Variants in LRCH2 observed in about 807,000 individuals in gnomAD.
LRCH2 encodes the protein leucine rich repeats and calponin homology domain containing 2, also known as leucine-rich repeat and calponin homology domain-containing protein 2.
In LRCH2, 38 loss-of-function variants were observed where a neutral mutation model predicts 68.9. The observed-to-expected ratio is 0.55, with a 90% CI of 0.43 to 0.72. The LOEUF is 0.72. Among genes scored for constraint, LRCH2 ranks in the 30% least tolerant of loss-of-function variants. The pLI is 0.00. For missense variants in LRCH2, 528 were observed against 572.9 expected (o/e 0.92, Z 0.80); for synonymous variants, 191 against 208.1 (o/e 0.92, Z 0.71).
chrX:115,173,354 C>G (rs188425521), intron 5 of LRCH2, among the ~76,000 whole-genome samples: 66 of 111,263 alleles, frequency 5.9e-4, no homozygotes, highest in Admixed American at 5.8e-3. Flanking sequence ...ACAAAGGTCT[C>G]GAGTAAACAC....
At chrX:115,192,484 C>A (rs868912715) in intron 1 of LRCH2, 1 of 1,170,880 alleles carries the variant, frequency 8.5e-7, no homozygotes, top group Admixed American at 2.5e-5. Flanking sequence ...CTCGAGGGGT[C>A]GAGACCGGGT....
intron 6 of LRCH2, among the ~76,000 whole-genome samples, chrX:115,168,769 A>C (rs1226935932): frequency 9.0e-6 from 1 of 111,253 alleles, no homozygotes. Flanking sequence ...GCTTACTTCC[A>C]ATCTATTCTC....
chrX:115,206,548 C>G lies in LRCH2; in HGVS notation c.350-18178G>C, dbSNP rs181643562. Among the ~76,000 whole-genome samples the G allele has an allele frequency of 3.6e-5, 4 of 112,407 alleles. No homozygotes were observed. In the Admixed American group the frequency reaches 3.8e-4, roughly 11 times the overall value. The stretch of plus-strand genomic sequence containing the variant: ...CTCCTATCGCAGGTAACTAGCCAGA[C>G]CCACCCCTTTATTTCAGCCCATCCC... On this transcript the variant is annotated intron_variant, in intron 1 of 20. Coordinates refer to ENST00000317135, the MANE Select transcript of LRCH2 (RefSeq NM_020871.4).
At chrX:115,145,282 C>T (rs1198327895) in intron 14 of LRCH2, among the ~76,000 whole-genome samples, 2 of 111,383 alleles carry the variant, frequency 1.8e-5, no homozygotes, top group Non-Finnish European at 3.8e-5. Context: ...TCTTGTTGTA[C>T]ACAAAAATCA....
At chrX:115,196,464 C>T (rs782322344) in intron 1 of LRCH2, among the ~76,000 whole-genome samples, 2 of 111,288 alleles carry the variant, frequency 1.8e-5, no homozygotes, top group South Asian at 3.9e-4. Flanking sequence ...TACAAGCTTG[C>T]CCAGTCTGGA....
intron 11 of LRCH2, among the ~76,000 whole-genome samples, chrX:115,161,210 C>T (rs997579676): frequency 1.8e-5 from 2 of 110,891 alleles, no homozygotes; most frequent in African/African-American, 6.6e-5. Context: ...AAAAAATAGC[C>T]GGGTGTGGTG....
At chrX:115,156,844 G>A (rs2072478919) in intron 11 of LRCH2, among the ~76,000 whole-genome samples, 177 bp from the exon 12 acceptor site, 1 of 111,104 alleles carries the variant, frequency 9.0e-6, no homozygotes, top group Non-Finnish European at 1.9e-5. Flanking sequence ...ACAAAATGAA[G>A]CTCGGCAACT....
chrX:115,137,738 C>T (rs1328324255), intron 14 of LRCH2, among the ~76,000 whole-genome samples: 1 of 111,527 alleles, frequency 9.0e-6, no homozygotes, highest in Admixed American at 9.5e-5. Flanking sequence ...TGGCCATGGT[C>T]AGGAGTTCAA....
chrX:115,118,698 G>T, intron 20 of LRCH2, among the ~76,000 whole-genome samples: 1 of 111,063 alleles, frequency 9.0e-6, no homozygotes, highest in Non-Finnish European at 1.9e-5. Flanking sequence ...TACCAAAGCC[G>T]AGCAGAGACA....
chrX:115,138,088 T>G (rs1556532603), intron 14 of LRCH2, among the ~76,000 whole-genome samples: 1 of 110,686 alleles, frequency 9.0e-6, no homozygotes, highest in Non-Finnish European at 1.9e-5. Context: ...GGTCACTCTC[T>G]GACCTTCTCC....
At chrX:115,157,920 T>C (rs782096238) in intron 11 of LRCH2, among the ~76,000 whole-genome samples, 12 of 110,272 alleles carry the variant, frequency 1.1e-4, no homozygotes, top group African/African-American at 1.3e-4. Flanking sequence ...ATGAGTTATA[T>C]TGAAACAGAA....
At position 115,170,289 on chromosome X, in the gene LRCH2, G is replaced by A. The variant is rs782713328; in HGVS notation, c.998+10C>T. The A allele has an allele frequency of 3.7e-5, 42 of 1,149,377 alleles. 1 individual carries two copies. In the Middle Eastern group the frequency reaches 9.6e-4, roughly 26 times the overall value. The allele number at this position is 1,149,377 out of a possible 1,213,427, so 94.7% of individuals were successfully genotyped here. On this transcript the variant is annotated intron_variant, in intron 6 of 20. Transcript: ENST00000317135. ...AATCATCAAATGAAACTGTAAGAAT[G>A]TTACATTACCTGTCTGTGAGAGGCT...
chrX:115,174,528 T>C lies in LRCH2; in HGVS notation c.865-4096A>G, dbSNP rs185022637. On this transcript the variant is annotated intron_variant, in intron 5 of 20. Transcript: ENST00000317135. Reference sequence around the variant, plus strand: ...ATGTCCTTAAGTTTCATCCATGTTGTTGCAAATGACAGGATTTCCTTCTTT... The same window carrying C: ...ATGTCCTTAAGTTTCATCCATGTTGCTGCAAATGACAGGATTTCCTTCTTT... Among the ~76,000 whole-genome samples the C allele has an allele frequency of 2.1e-4, 23 of 109,514 alleles. No individual in the cohort carries two copies. In the Admixed American group the frequency reaches 2.2e-3, roughly 10 times the overall value.
intron 1 of LRCH2, chrX:115,191,215 G>T (rs200887025): frequency 9.5e-6 from 11 of 1,154,838 alleles, no homozygotes; most frequent in African/African-American, 1.9e-5. Flanking sequence ...AGGCTGCTAC[G>T]AGGAGTACCG....
intron 14 of LRCH2, among the ~76,000 whole-genome samples, chrX:115,135,232 T>C (rs191643532): frequency 1.7e-3 from 186 of 107,034 alleles, no homozygotes; most frequent in Non-Finnish European, 3.1e-3. Flanking sequence ...AAGAATCCTC[T>C]GGCCTCAGCC....
chrX:115,120,968 C>A (rs2072134936), intron 20 of LRCH2, among the ~76,000 whole-genome samples: 1 of 94,524 alleles, frequency 1.1e-5, no homozygotes, highest in African/African-American at 4.0e-5. Context: ...GGGAATTGAA[C>A]AATGAGAACA....
intron 5 of LRCH2, among the ~76,000 whole-genome samples, chrX:115,173,631 T>C (rs782156681): frequency 2.5e-3 from 278 of 112,022 alleles, no homozygotes; most frequent in African/African-American, 8.3e-3. Context: ...ATAACTTTTC[T>C]TCTATAATTT....
chrX:115,173,211 A>G (rs184318046), intron 5 of LRCH2, among the ~76,000 whole-genome samples: 1 of 111,587 alleles, frequency 9.0e-6, no homozygotes, highest in African/African-American at 3.3e-5. Context: ...CCCTGACCCA[A>G]TGACGGATGA....
chrX:115,190,788 C>T (rs2072796472), intron 1 of LRCH2: 6 of 1,165,522 alleles, frequency 5.1e-6, no homozygotes, highest in East Asian at 3.3e-5. Context: ...GCCGGTCCGA[C>T]GACGCCTACA....
Sources: gnomAD v4.1 joint callset for allele counts (sites outside exome capture counted in the v4.1 genomes callset) on GRCh38, gnomAD v4.1.1 for gene constraint, MANE v1.5 for transcripts, NCBI Gene and HGNC (gene_info 2026-07-23, HGNC 2026-07-21) for gene names.